NLGN4X: variants seen among roughly 807,000 people sequenced by gnomAD.
NLGN4X encodes the protein neuroligin 4 X-linked.
A neutral mutation model predicts 40.3 loss-of-function variants in NLGN4X; 3 were observed. That is an observed-to-expected ratio of 0.07 (90% CI 0.03 to 0.19). The LOEUF (loss-of-function observed/expected upper bound fraction) is 0.19, where lower values mean the gene tolerates loss of function less well. NLGN4X is among the 10% of genes least tolerant of loss of function. The pLI is 1.00. For missense variants in NLGN4X, 382 were observed against 708.3 expected (o/e 0.54, Z 5.23); for synonymous variants, 270 against 306.8 (o/e 0.88, Z 1.25).
At chrX:6,027,989 G>T (rs1245801632) in intron 3 of NLGN4X, among the ~76,000 whole-genome samples, 1 of 109,715 alleles carries the variant, frequency 9.1e-6, no homozygotes, top group African/African-American at 3.3e-5. Flanking sequence ...GTTAATTTTT[G>T]TATTTTTAGT....
rs188480612 is a variant in NLGN4X, at chrX:6,151,639, T to A, written c.-173A>T. 54 of 468,927 alleles carry A rather than the reference T, an allele frequency of 1.2e-4. No homozygotes were observed. The African/African-American group carries it at 1.2e-3, about 11-fold the overall frequency. The allele number at this position is 468,927 out of a possible 1,213,427, so 38.6% of individuals were successfully genotyped here. On this transcript the variant is annotated 5_prime_UTR_variant, in exon 2 of 6. Coordinates refer to ENST00000381095, the MANE Select transcript of NLGN4X (RefSeq NM_181332.3). ...AGGTTAAGAACAAGCACAGCCGTTTTCTTGGCAGCCCATTGCAAGGAGGCA... is the reference window on the plus strand; with the variant it reads ...AGGTTAAGAACAAGCACAGCCGTTTACTTGGCAGCCCATTGCAAGGAGGCA...
At chrX:6,224,320 T>C (rs113254696) in intron 1 of NLGN4X, among the ~76,000 whole-genome samples, 6,192 of 111,832 alleles carry the variant, frequency 0.055, 427 homozygotes, top group African/African-American at 0.19. Context: ...GTTTAGTTTT[T>C]TGAGAACCTT....
intron 2 of NLGN4X, among the ~76,000 whole-genome samples, chrX:6,062,841 C>T (rs2037804565): frequency 9.0e-6 from 1 of 111,210 alleles, no homozygotes; most frequent in Non-Finnish European, 1.9e-5. Context: ...CCATGTGGAA[C>T]TGTGAGTCCA....
intron 2 of NLGN4X, among the ~76,000 whole-genome samples, chrX:6,080,294 G>T (rs1163597332): frequency 9.0e-6 from 1 of 111,568 alleles, no homozygotes. Context: ...GTATATACTA[G>T]GAAGAAACTC....
chrX:6,214,576 G>A (rs978186797), intron 1 of NLGN4X, among the ~76,000 whole-genome samples: 14 of 111,510 alleles, frequency 1.3e-4, no homozygotes, highest in African/African-American at 4.2e-4. Context: ...CATAGATGGA[G>A]AGAGAAGTAG....
At chrX:5,957,840 C>A (rs772471338) in intron 3 of NLGN4X, among the ~76,000 whole-genome samples, 1 of 111,957 alleles carries the variant, frequency 8.9e-6, no homozygotes, top group Non-Finnish European at 1.9e-5. Flanking sequence ...CATAAATTTA[C>A]CCAGTATAAA....
chrX:6,125,901 G>A lies in NLGN4X; in HGVS notation c.472+25094C>T, dbSNP rs191776239. On this transcript the variant is annotated intron_variant, in intron 2 of 5. Transcript: ENST00000381095. ...GAAGGTAGATGTAGACAACCTAAGT[G>A]GAATATTTACAAACCAAACTTAGTA... Among the ~76,000 whole-genome samples, 3 of 110,781 alleles carry A rather than the reference G, an allele frequency of 2.7e-5. No individual in the cohort carries two copies. The Admixed American group carries it at 2.9e-4, about 11-fold the overall frequency.
At chrX:5,954,298 C>T (rs1257137823) in intron 3 of NLGN4X, among the ~76,000 whole-genome samples, 1 of 108,757 alleles carries the variant, frequency 9.2e-6, no homozygotes, top group Non-Finnish European at 1.9e-5. Flanking sequence ...AATCACAGCT[C>T]ATTTCAGCCT....
At chrX:5,921,391 C>CAGAGAG (rs56879029) in intron 3 of NLGN4X, among the ~76,000 whole-genome samples, 4,240 of 52,970 alleles carry the variant, frequency 0.08, 275 homozygotes, top group South Asian at 0.13. Flanking sequence ...GAAAATGAAC[C>CAGAGAG]AGAGAGAGAG....
At chrX:6,090,386 A>C (rs2038607522) in intron 2 of NLGN4X, among the ~76,000 whole-genome samples, 1 of 111,375 alleles carries the variant, frequency 9.0e-6, no homozygotes, top group Admixed American at 9.6e-5. Flanking sequence ...TCAGAATGCT[A>C]TACCTTTACC....
chrX:6,223,421 TG>T (rs1246275739), intron 1 of NLGN4X, among the ~76,000 whole-genome samples: 1 of 112,279 alleles, frequency 8.9e-6, no homozygotes, highest in African/African-American at 3.2e-5. Context: ...ACTTATTTTT[TG>T]TTTAATGTAA....
chrX:6,030,133 A>G (rs1297976016), intron 2 of NLGN4X, among the ~76,000 whole-genome samples: 1 of 112,295 alleles, frequency 8.9e-6, no homozygotes, highest in Non-Finnish European at 1.9e-5. Flanking sequence ...AAAAGAATCC[A>G]AACTATTTAA....
chrX:6,031,420 A>C (rs1015883001), intron 2 of NLGN4X, among the ~76,000 whole-genome samples: 2 of 111,283 alleles, frequency 1.8e-5, no homozygotes, highest in African/African-American at 6.6e-5. Flanking sequence ...TGACAGCTCT[A>C]TGAGCTCAGT....
At chrX:6,152,826 G>C (rs916099505) in intron 1 of NLGN4X, among the ~76,000 whole-genome samples, 5 of 112,547 alleles carry the variant, frequency 4.4e-5, no homozygotes, top group Non-Finnish European at 9.4e-5. Flanking sequence ...ATGCCTTAGA[G>C]GGTATCCTCT....
rs1762331506 is a variant in NLGN4X, at chrX:5,891,632, A to C, written c.*1185T>G. 8.3e-6 allele frequency: 2 copies of C among 241,938 alleles called. No individual in the cohort carries two copies. The highest frequency in any genetic ancestry group is 7.5e-6 in the Non-Finnish European group (1 of 133,444). 19.9% of individuals were successfully genotyped at this position (241,938 alleles called of 1,213,427 possible). A position where few individuals can be genotyped will look rare whatever the true frequency, so the allele number is the denominator to read the frequency against. ...TTTTTTGGCAGGGCCCTGAAATGGG[A>C]AGCAACTCTTCCTAAACATATTCAA... On this transcript the variant is annotated 3_prime_UTR_variant, in exon 6 of 6. Transcript: ENST00000381095.
intron 2 of NLGN4X, among the ~76,000 whole-genome samples, chrX:6,100,099 A>C (rs2038872729): frequency 8.9e-6 from 1 of 112,767 alleles, no homozygotes. Flanking sequence ...GATGGGCTGA[A>C]ATAAAGGGAT....
At chrX:5,977,518 A>T (rs1013385821) in intron 3 of NLGN4X, among the ~76,000 whole-genome samples, 2 of 111,351 alleles carry the variant, frequency 1.8e-5, no homozygotes, top group Non-Finnish European at 3.8e-5. Context: ...CACTGTGTCC[A>T]GCCACTTATT....
chrX:6,023,490 G>C (rs770995737), intron 3 of NLGN4X, among the ~76,000 whole-genome samples: 1 of 112,097 alleles, frequency 8.9e-6, no homozygotes, highest in Non-Finnish European at 1.9e-5. Context: ...TAATTAAGAA[G>C]GCTGTGGATG....
intron 3 of NLGN4X, among the ~76,000 whole-genome samples, chrX:5,941,400 C>T (rs982231857): frequency 3.6e-5 from 4 of 111,246 alleles, no homozygotes; most frequent in Non-Finnish European, 5.6e-5. Flanking sequence ...ACTCTTCCTA[C>T]GGAGCTATCT....
Sources: allele counts gnomAD v4.1 joint callset (sites outside exome capture counted in the v4.1 genomes callset), GRCh38; gene constraint gnomAD v4.1.1; transcripts MANE v1.5; gene names NCBI Gene and HGNC (gene_info 2026-07-23, HGNC 2026-07-21).